Variants in HCCS observed in about 807,000 individuals in gnomAD.
The protein encoded by HCCS is holocytochrome c-type synthase.
A neutral mutation model predicts 24.2 loss-of-function variants in HCCS; 2 were observed. The observed-to-expected ratio is 0.08, with a 90% CI of 0.03 to 0.26. HCCS has a LOEUF of 0.26. HCCS is among the 10% of genes least tolerant of loss of function. The pLI, the probability that HCCS is intolerant of heterozygous loss-of-function variation, is 1.00. For synonymous variants in HCCS, 73 were observed against 76.2 expected (o/e 0.96, Z 0.22); for missense variants, 150 against 213.3 (o/e 0.70, Z 1.85).
At chrX:11,111,684 C>A (rs1180821575) in intron 1 of HCCS, among the ~76,000 whole-genome samples, 166 bp downstream of exon 1, 2 of 111,798 alleles carry the variant, frequency 1.8e-5, no homozygotes, top group Admixed American at 1.9e-4. Context: ...AATGGACCTC[C>A]CCTCCTCCAC....
At position 11,122,066 on chromosome X, in the gene HCCS, G is replaced by T. The variant is rs758786027; in HGVS notation, c.*256G>T. ...CAGTCTCTCAGTTTTTCCTTTACCT[G>T]CAGTATTGTCTGTATATTTCATCTC... is the stretch of plus-strand genomic sequence containing the variant. On this transcript the variant is annotated 3_prime_UTR_variant, in exon 7 of 7. Transcript: ENST00000380762. The T allele has an allele frequency of 4.2e-5, 15 of 358,831 alleles. No homozygotes were observed. In the Admixed American group the frequency reaches 4.3e-4, roughly 10 times the overall value. The allele number at this position is 358,831 out of a possible 1,213,427, so 29.6% of individuals were successfully genotyped here. A position where few individuals can be genotyped will look rare whatever the true frequency, so the allele number is the denominator to read the frequency against.
chrX:11,121,567 T>C, intron 6 of HCCS, 45 bp from the exon 7 acceptor site: 1 of 1,072,905 alleles, frequency 9.3e-7, no homozygotes, highest in South Asian at 1.8e-5. Context: ...CGGGACTGAA[T>C]GTATTGCAAG....
chrX:11,112,983 TAATA>T (rs1254951162), intron 2 of HCCS, among the ~76,000 whole-genome samples: 21 of 113,051 alleles, frequency 1.9e-4, no homozygotes, highest in African/African-American at 6.4e-4. Context: ...CTAGCTGTCT[TAATA>T]AATAACTTTT....
intron 5 of HCCS, among the ~76,000 whole-genome samples, chrX:11,119,823 A>G (rs896750122): frequency 8.9e-6 from 1 of 112,142 alleles, no homozygotes; most frequent in African/African-American, 3.2e-5. Flanking sequence ...AATTAAGACC[A>G]CCTGCTAATT....
Position 11,112,148 on chromosome X carries a change from G to C in HCCS, c.88G>C (p.Gly30Arg), listed in dbSNP as rs1455829311. ...ACCTTCAGGATGCCCGATGCATGAA[G>C]GGAAAATGAAAGGTAATCGGCCCTT... ...SPPSGCPMHEGKMKGCPVNTE... is the reference protein window; with the variant it reads ...SPPSGCPMHERKMKGCPVNTE... Residue 30 changes from glycine to arginine, a missense_variant, in exon 2 of 7, where the codon GGG (glycine) becomes CGG (arginine). Coordinates refer to ENST00000380762, the MANE Select transcript of HCCS (RefSeq NM_005333.5). The C allele has an allele frequency of 8.4e-7, 1 of 1,194,475 alleles. No homozygotes were observed. Among genetic ancestry groups the C allele is most frequent in the African/African-American group, 1.8e-5 (1 of 56,978 alleles).
chrX:11,117,427 T>C lies in HCCS; in HGVS notation c.401+12T>C. 1 of 1,194,514 alleles carries C rather than the reference T, an allele frequency of 8.4e-7. No homozygotes were observed. Among genetic ancestry groups the C allele is most frequent in the Non-Finnish European group, 1.1e-6 (1 of 880,243 alleles). ...ATGTTAAAGAAAGGGTGAGTGAACA[T>C]ATTATTTAAGATAAAAATTTCTTGT... On this transcript the variant is annotated intron_variant, in intron 4 of 6. Coordinates refer to ENST00000380762, the MANE Select transcript of HCCS (RefSeq NM_005333.5).
At chrX:11,120,774 C>T (rs1478584661) in intron 5 of HCCS, 133 bp from the exon 6 acceptor site, 2 of 566,180 alleles carry the variant, frequency 3.5e-6, no homozygotes, top group Non-Finnish European at 6.1e-6. Flanking sequence ...TTAGAACTTA[C>T]CTTTCTCTGT....
intron 4 of HCCS, chrX:11,118,244 C>A: frequency 2.5e-6 from 1 of 395,358 alleles, no homozygotes; most frequent in Non-Finnish European, 4.6e-6. Context: ...TACTGTGACT[C>A]AGTAAAATGA....
At chrX:11,116,799 T>C (rs1196379351) in intron 3 of HCCS, among the ~76,000 whole-genome samples, 2 of 112,640 alleles carry the variant, frequency 1.8e-5, no homozygotes, top group Non-Finnish European at 3.7e-5. Flanking sequence ...TCATCTGTAA[T>C]ATATTTTGCC....
Position 11,119,939 on chromosome X carries a change from G to A in HCCS, c.522-968G>A, listed in dbSNP as rs139045030. 1.3e-3 allele frequency: 376 copies of A among 299,575 alleles called. 3 individuals are homozygous for A. The highest frequency in any genetic ancestry group is 9.3e-3 in the African/African-American group (336 of 36,274). The allele number at this position is 299,575 out of a possible 1,213,427, so 24.7% of individuals were successfully genotyped here. The stretch of plus-strand genomic sequence containing the variant: ...CTGGACGGTCAAAATTAAGTAGACC[G>A]TTTAAAAACTCATGCTATGATCTCC... On this transcript the variant is annotated intron_variant, in intron 5 of 6. Transcript: ENST00000380762.
In HCCS at chrX:11,114,863, C is replaced by T. The variant is rs1410657055; in HGVS notation, c.129C>T (p.Gly43=). ...KGCPVNTEPS[G]PTCEKKTYSV... is the part of the protein sequence containing the mutation. ...GTCCAGTGAATACAGAGCCATCTGG[C>T]CCAACCTGTGAGAAGAAAACATACT... Residue 43 remains glycine, a synonymous_variant, in exon 3 of 7, where the codon GGC becomes GGT. Transcript: ENST00000380762. The T allele has an allele frequency of 6.6e-6, 8 of 1,207,297 alleles. No individual in the cohort carries two copies. The highest frequency in any genetic ancestry group is 1.8e-5 in the South Asian group (1 of 56,778).
At chrX:11,120,504 A>G (rs375376526) in intron 5 of HCCS, among the ~76,000 whole-genome samples, 1 of 112,453 alleles carries the variant, frequency 8.9e-6, no homozygotes, top group Non-Finnish European at 1.9e-5. Flanking sequence ...TTGGTTTGAA[A>G]TGAAAGAAGA....
chrX:11,116,260 A>T (rs2045447462), intron 3 of HCCS: 1 of 111,462 alleles, frequency 9.0e-6, no homozygotes, highest in South Asian at 3.8e-4. Flanking sequence ...CCTCATAACA[A>T]CTCTGTGCAG....
At chrX:11,118,768 C>T in intron 5 of HCCS, 148 bp downstream of exon 5, 1 of 610,944 alleles carries the variant, frequency 1.6e-6, no homozygotes, top group Non-Finnish European at 2.6e-6. Context: ...GACAGGCCAC[C>T]CTTCTTAGTT....
At chrX:11,115,917 T>C (rs2045444680) in intron 3 of HCCS, among the ~76,000 whole-genome samples, 1 of 111,922 alleles carries the variant, frequency 8.9e-6, no homozygotes. Flanking sequence ...GGCAGCATTA[T>C]CCGAAGCCCC....
chrX:11,117,424 A>G lies in HCCS; in HGVS notation c.401+9A>G. The G allele has an allele frequency of 8.4e-7, 1 of 1,197,375 alleles. No individual in the cohort carries two copies. The highest frequency in any genetic ancestry group is 1.1e-6 in the Non-Finnish European group (1 of 882,763). On this transcript the variant is annotated intron_variant, in intron 4 of 6. Transcript: ENST00000380762. ...GCAATGTTAAAGAAAGGGTGAGTGA[A>G]CATATTATTTAAGATAAAAATTTCT... is the stretch of plus-strand genomic sequence containing the variant.
intron 4 of HCCS, among the ~76,000 whole-genome samples, chrX:11,117,757 C>T (rs2045459555): frequency 8.9e-6 from 1 of 111,991 alleles, no homozygotes; most frequent in African/African-American, 3.2e-5. Flanking sequence ...GCCGATGGCA[C>T]ACTTCTGGTC....
chrX:11,118,109 T>C (rs1337435756), intron 4 of HCCS, among the ~76,000 whole-genome samples: 1 of 112,387 alleles, frequency 8.9e-6, no homozygotes, highest in Non-Finnish European at 1.9e-5. Flanking sequence ...CAGCTAGTAA[T>C]AGGTTTTTTA....
chrX:11,120,667 TGTAG>T (rs1190136534), intron 5 of HCCS, among the ~76,000 whole-genome samples: 1 of 110,163 alleles, frequency 9.1e-6, no homozygotes, highest in East Asian at 2.9e-4. Context: ...CAAAGTGCAG[TGTAG>T]ATATCCAGAA....
Sources: gnomAD v4.1 joint callset for allele counts (sites outside exome capture counted in the v4.1 genomes callset) on GRCh38, gnomAD v4.1.1 for gene constraint, MANE v1.5 for transcripts, NCBI Gene and HGNC (gene_info 2026-07-23, HGNC 2026-07-21) for gene names.